Variants in KCNN2 observed in about 807,000 individuals in gnomAD.
KCNN2 encodes the protein small conductance calcium-activated potassium channel protein 2.
KCNN2 carries 24 observed loss-of-function variants against 55.5 expected under a neutral mutation model. That is an observed-to-expected ratio of 0.43 (90% CI 0.31 to 0.61). The LOEUF (loss-of-function observed/expected upper bound fraction) is 0.61, where lower values mean the gene tolerates loss of function less well. Ranked by LOEUF, KCNN2 falls within the 20% of genes least tolerant of loss-of-function variation. The pLI is 0.08. For synonymous variants in KCNN2, 431 were observed against 336.1 expected (o/e 1.28, Z -3.09); for missense variants, 754 against 853.6 (o/e 0.88, Z 1.45).
intron 2 of KCNN2, among the ~76,000 whole-genome samples, chr5:114,295,237 CAG>C (rs936827813): frequency 2.4e-4 from 36 of 152,354 alleles, no homozygotes; most frequent in African/African-American, 8.2e-4. Flanking sequence ...AGCTGTCAGA[CAG>C]GGACATTTAA....
At chr5:114,115,837 C>T (rs1301259462) in intron 1 of KCNN2, among the ~76,000 whole-genome samples, 1 of 151,694 alleles carries the variant, frequency 6.6e-6, no homozygotes, top group Non-Finnish European at 1.5e-5. Flanking sequence ...TAATATAAGC[C>T]CCTGTACTCT....
intron 1 of KCNN2, among the ~76,000 whole-genome samples, chr5:114,058,301 G>A (rs1470837182): frequency 1.3e-5 from 2 of 152,246 alleles, no homozygotes; most frequent in East Asian, 3.9e-4. Context: ...GGGAAAGCAA[G>A]AGAATGATGA....
chr5:114,160,196 A>G (rs931023189), intron 1 of KCNN2, among the ~76,000 whole-genome samples: 17 of 152,130 alleles, frequency 1.1e-4, no homozygotes, highest in African/African-American at 4.1e-4. Context: ...AGATTCTGGT[A>G]TGTTGTGTCT....
At chr5:114,279,846 C>T (rs1381496415) in intron 2 of KCNN2, among the ~76,000 whole-genome samples, 5 of 152,096 alleles carry the variant, frequency 3.3e-5, no homozygotes, top group African/African-American at 4.8e-5. Flanking sequence ...AATGGTATTT[C>T]TAGTTCTAGA....
chr5:114,394,702 G>T (rs1476086701), intron 2 of KCNN2, among the ~76,000 whole-genome samples: 1 of 152,100 alleles, frequency 6.6e-6, no homozygotes, highest in African/African-American at 2.4e-5. Context: ...TCTCCAGGTG[G>T]TTACTTAGTT....
intron 1 of KCNN2, among the ~76,000 whole-genome samples, chr5:114,151,622 A>C (rs1349191208): frequency 2.0e-5 from 3 of 152,208 alleles, no homozygotes; most frequent in Non-Finnish European, 4.4e-5. Context: ...ATGTGGACAC[A>C]CTTTCCTTCA....
chr5:114,142,522 C>T (rs925188983), intron 1 of KCNN2, among the ~76,000 whole-genome samples: 1 of 152,130 alleles, frequency 6.6e-6, no homozygotes, highest in East Asian at 1.9e-4. Context: ...TCAGCAAAAT[C>T]TCAGGATACA....
chr5:114,106,698 C>T, intron 1 of KCNN2, among the ~76,000 whole-genome samples: 1 of 139,350 alleles, frequency 7.2e-6, no homozygotes, highest in Non-Finnish European at 1.5e-5. Context: ...GTGTGAAATG[C>T]CTGCTGCATA....
At chr5:114,388,889 C>T (rs1198043573) in intron 2 of KCNN2, among the ~76,000 whole-genome samples, 3 of 152,132 alleles carry the variant, frequency 2.0e-5, no homozygotes, top group Non-Finnish European at 4.4e-5. Flanking sequence ...TACAGCCCTT[C>T]TGCATTTGAA....
intron 2 of KCNN2, among the ~76,000 whole-genome samples, chr5:114,342,976 A>G (rs1757043418): frequency 1.3e-5 from 2 of 152,204 alleles, no homozygotes; most frequent in African/African-American, 4.8e-5. Context: ...CCCAGCATCC[A>G]TTAGCTATTC....
At chr5:114,360,421 C>G (rs1037188285), upstream of KCNN2, among the ~76,000 whole-genome samples, 1 of 152,114 alleles carries the variant, frequency 6.6e-6, no homozygotes, top group African/African-American at 2.4e-5. Flanking sequence ...GAGGGTGATC[C>G]GCTTTCACTC....
At chr5:114,236,410 A>AATTCAATTACG (rs1754493713) in intron 2 of KCNN2, among the ~76,000 whole-genome samples, 1 of 151,854 alleles carries the variant, frequency 6.6e-6, no homozygotes, top group Admixed American at 6.6e-5. Flanking sequence ...ATTCAATTAC[A>AATTCAATTACG]GTTAGAATTG....
At chr5:114,160,530 C>T (rs1580572780) in intron 1 of KCNN2, among the ~76,000 whole-genome samples, 1 of 152,114 alleles carries the variant, frequency 6.6e-6, no homozygotes, top group Admixed American at 6.6e-5. Flanking sequence ...CCACTTGGTG[C>T]AGAGCTGAGT....
intron 3 of KCNN2, among the ~76,000 whole-genome samples, chr5:114,414,461 T>C (rs2150076707): frequency 6.6e-6 from 1 of 152,308 alleles, no homozygotes; most frequent in South Asian, 2.1e-4. Context: ...TCTCCGCTGC[T>C]TGCTGACTGG....
chr5:114,411,765 A>C (rs760040982), intron 3 of KCNN2, among the ~76,000 whole-genome samples: 2 of 152,088 alleles, frequency 1.3e-5, no homozygotes, highest in African/African-American at 2.4e-5. Flanking sequence ...TTGAGGGTGG[A>C]TCTTCCTCAC....
intron 2 of KCNN2, among the ~76,000 whole-genome samples, chr5:114,336,305 T>C (rs1234837601): frequency 6.6e-6 from 1 of 152,250 alleles, no homozygotes; most frequent in Non-Finnish European, 1.5e-5. Context: ...GTATGTATGA[T>C]TTGTTCAGGA....
intron 2 of KCNN2, among the ~76,000 whole-genome samples, chr5:114,331,351 C>T (rs1409829088): frequency 6.6e-6 from 1 of 152,138 alleles, no homozygotes; most frequent in Non-Finnish European, 1.5e-5. Flanking sequence ...GTTCTGTTTT[C>T]CCCTCTCAGT....
chr5:114,383,934 G>T (rs975773399), intron 2 of KCNN2, among the ~76,000 whole-genome samples: 2 of 152,182 alleles, frequency 1.3e-5, no homozygotes, highest in Non-Finnish European at 2.9e-5. Flanking sequence ...TAACTAATGT[G>T]TATCATGTGC....
chr5:114,484,956 C>A (rs1462054169), intron 5 of KCNN2, among the ~76,000 whole-genome samples: 1 of 152,124 alleles, frequency 6.6e-6, no homozygotes, highest in Non-Finnish European at 1.5e-5. Context: ...GAGGGCATTA[C>A]CCCCACTCCA....
Sources: allele counts gnomAD v4.1 joint callset (sites outside exome capture counted in the v4.1 genomes callset), GRCh38; gene constraint gnomAD v4.1.1; transcripts MANE v1.5; gene names NCBI Gene and HGNC (gene_info 2026-07-23, HGNC 2026-07-21).